PLCB4: variants seen among roughly 807,000 people sequenced by gnomAD.
The protein encoded by PLCB4 is 1-phosphatidylinositol 4,5-bisphosphate phosphodiesterase beta-4.
PLCB4 carries 77 observed loss-of-function variants against 178.8 expected under a neutral mutation model. That is an observed-to-expected ratio of 0.43 (90% CI 0.36 to 0.52). PLCB4 has a LOEUF of 0.52. PLCB4 is among the 20% of genes least tolerant of loss of function. PLCB4 has a pLI of 0.00. For missense variants in PLCB4, 1,024 were observed against 1,453.4 expected, an observed-to-expected ratio of 0.70 and a Z score of 4.80; for synonymous variants, 496 against 490.8, an observed-to-expected ratio of 1.01 and a Z score of -0.14.
At chr20:9,236,106 C>T (rs538805073) in intron 3 of PLCB4, among the ~76,000 whole-genome samples, 2 of 152,314 alleles carry the variant, frequency 1.3e-5, no homozygotes, top group East Asian at 3.9e-4. Context: ...CATCCCTTCC[C>T]TAAGCGTAAT....
chr20:9,259,992 C>T (rs1360787470), intron 3 of PLCB4, among the ~76,000 whole-genome samples: 1 of 152,030 alleles, frequency 6.6e-6, no homozygotes, highest in East Asian at 1.9e-4. Flanking sequence ...TTTTACTGAG[C>T]AGTCCCTGAT....
At chr20:9,306,414 C>T (rs902484429) in intron 3 of PLCB4, among the ~76,000 whole-genome samples, 18 of 152,062 alleles carry the variant, frequency 1.2e-4, no homozygotes, top group Admixed American at 2.6e-4. Context: ...CTGAGCCCGG[C>T]GTGGTGTTGC....
intron 2 of PLCB4, among the ~76,000 whole-genome samples, chr20:9,107,379 G>A (rs1185323001): frequency 6.6e-6 from 1 of 152,138 alleles, no homozygotes; most frequent in African/African-American, 2.4e-5. Context: ...CAGAGAAAAG[G>A]GGGAATAGGG....
chr20:9,156,117 T>C (rs1018267101), intron 2 of PLCB4, among the ~76,000 whole-genome samples: 1 of 152,202 alleles, frequency 6.6e-6, no homozygotes, highest in African/African-American at 2.4e-5. Flanking sequence ...ACCTTTTTTC[T>C]GTACACTTTC....
chr20:9,241,623 A>C (rs1249928687), intron 3 of PLCB4, among the ~76,000 whole-genome samples: 1 of 152,198 alleles, frequency 6.6e-6, no homozygotes, highest in Non-Finnish European at 1.5e-5. Context: ...TGGAAATAGG[A>C]GGCTTTAAGC....
intron 1 of PLCB4, among the ~76,000 whole-genome samples, chr20:9,079,390 A>G (rs2090038394): frequency 6.6e-6 from 1 of 152,198 alleles, no homozygotes; most frequent in Admixed American, 6.5e-5. Flanking sequence ...AGGAAGGGGC[A>G]AGAAAGGCTG....
intron 1 of PLCB4, among the ~76,000 whole-genome samples, chr20:9,084,007 C>G (rs1044103000): frequency 6.6e-6 from 1 of 152,142 alleles, no homozygotes; most frequent in Non-Finnish European, 1.5e-5. Context: ...GAAAGCAGTC[C>G]TTGTGATACA....
At chr20:9,186,546 A>C (rs930201210) in intron 2 of PLCB4, among the ~76,000 whole-genome samples, 1 of 152,178 alleles carries the variant, frequency 6.6e-6, no homozygotes, top group African/African-American at 2.4e-5. Flanking sequence ...AAGTGGCTTG[A>C]ATTGTCCCGA....
At chr20:9,441,841 G>C (rs907110514) in intron 30 of PLCB4, among the ~76,000 whole-genome samples, 1 of 152,124 alleles carries the variant, frequency 6.6e-6, no homozygotes, top group Non-Finnish European at 1.5e-5. Context: ...TATGAAGGTG[G>C]GGAGGTGTGA....
intron 4 of PLCB4, among the ~76,000 whole-genome samples, chr20:9,335,756 T>C (rs2032364217): frequency 6.6e-6 from 1 of 152,118 alleles, no homozygotes; most frequent in South Asian, 2.1e-4. Context: ...TGGAACTGGG[T>C]TTTAACTCCT....
chr20:9,259,895 A>C (rs1464472813), intron 3 of PLCB4, among the ~76,000 whole-genome samples: 1 of 152,146 alleles, frequency 6.6e-6, no homozygotes, highest in Admixed American at 6.5e-5. Flanking sequence ...ATAACATTTA[A>C]TTTATTAATA....
chr20:9,184,100 G>A (rs781394813), intron 2 of PLCB4, among the ~76,000 whole-genome samples: 5 of 152,242 alleles, frequency 3.3e-5, no homozygotes, highest in African/African-American at 7.2e-5. Context: ...AAGATGGGAC[G>A]TTTCAAAGAA....
chr20:9,405,402 A>C, intron 21 of PLCB4, 54 bp downstream of exon 21: 1 of 1,068,178 alleles, frequency 9.4e-7, no homozygotes, highest in South Asian at 1.6e-5. Context: ...AATTTAAAAA[A>C]TCTTCAAAGG....
intron 1 of PLCB4, among the ~76,000 whole-genome samples, chr20:9,074,390 G>A (rs535975983): frequency 1.3e-5 from 2 of 152,232 alleles, no homozygotes; most frequent in Admixed American, 1.3e-4. Flanking sequence ...AAGATACATT[G>A]CCTTTCTTAT....
chr20:9,450,647 T>C (rs1044179725), intron 32 of PLCB4, among the ~76,000 whole-genome samples: 1 of 139,736 alleles, frequency 7.2e-6, no homozygotes, highest in Admixed American at 7.2e-5. Context: ...AGTTTTCTTT[T>C]CTTTTCTTTT....
intron 3 of PLCB4, among the ~76,000 whole-genome samples, chr20:9,247,518 C>T (rs761496242): frequency 6.6e-6 from 1 of 152,208 alleles, no homozygotes; most frequent in African/African-American, 2.4e-5. Flanking sequence ...CTCACTTGGA[C>T]ACATTTCTGT....
At chr20:9,293,784 A>T (rs994638033) in intron 3 of PLCB4, among the ~76,000 whole-genome samples, 5 of 152,136 alleles carry the variant, frequency 3.3e-5, no homozygotes, top group Non-Finnish European at 5.9e-5. Context: ...TCAAAGGGGG[A>T]AGCACAAGGT....
chr20:9,263,869 G>A (rs901852946), intron 3 of PLCB4, among the ~76,000 whole-genome samples: 9 of 152,168 alleles, frequency 5.9e-5, no homozygotes, highest in African/African-American at 1.7e-4. Flanking sequence ...AAAGAGAAAA[G>A]CAGTAAAGGT....
intron 2 of PLCB4, among the ~76,000 whole-genome samples, chr20:9,208,391 A>T (rs778836008): frequency 6.6e-6 from 1 of 152,116 alleles, no homozygotes; most frequent in African/African-American, 2.4e-5. Flanking sequence ...AGTTATTACT[A>T]TTTGCTTCTG....
Sources: allele counts gnomAD v4.1 joint callset (sites outside exome capture counted in the v4.1 genomes callset), GRCh38; gene constraint gnomAD v4.1.1; transcripts MANE v1.5; gene names NCBI Gene and HGNC (gene_info 2026-07-23, HGNC 2026-07-21).